The following SUPT3H variants were observed in gnomAD, a reference collection of about 807,000 sequenced individuals.
The protein encoded by SUPT3H is transcription initiation protein SPT3 homolog.
A neutral mutation model predicts 44.3 loss-of-function variants in SUPT3H; 44 were observed. That is an observed-to-expected ratio of 0.99 (90% CI 0.78 to 1.28). SUPT3H has a LOEUF of 1.28. Ranked by LOEUF, SUPT3H falls within the 50% of genes most tolerant of loss-of-function variation. The pLI, the probability that SUPT3H is intolerant of heterozygous loss-of-function variation, is 0.00. For synonymous variants in SUPT3H, 124 were observed against 125.6 expected (o/e 0.99, Z 0.09); for missense variants, 380 against 387.1 (o/e 0.98, Z 0.15).
chr6:45,111,714 A>G (rs976347548), intron 2 of SUPT3H, among the ~76,000 whole-genome samples: 27 of 152,284 alleles, frequency 1.8e-4, no homozygotes, highest in African/African-American at 6.0e-4. Flanking sequence ...ATGCTTTTCT[A>G]TTCTCTGATG....
intron 2 of SUPT3H, among the ~76,000 whole-genome samples, chr6:45,338,494 T>C (rs530742759): frequency 5.1e-4 from 78 of 152,200 alleles, no homozygotes; most frequent in Non-Finnish European, 6.5e-4. Context: ...TTAAGAAACT[T>C]TGACAGCTAC....
At chr6:45,251,121 A>G (rs1422622305) in intron 2 of SUPT3H, 1 of 152,054 alleles carries the variant, frequency 6.6e-6, no homozygotes, top group Non-Finnish European at 1.5e-5. Flanking sequence ...GGACTTCTCA[A>G]CAGCAACAAT....
At chr6:45,283,755 C>G (rs1232042314) in intron 2 of SUPT3H, among the ~76,000 whole-genome samples, 1 of 152,012 alleles carries the variant, frequency 6.6e-6, no homozygotes, top group Non-Finnish European at 1.5e-5. Context: ...ATCTACAGAA[C>G]TCTCCACCCC....
intron 10 of SUPT3H, chr6:44,898,845 C>T (rs1281248806): frequency 6.6e-6 from 1 of 152,262 alleles, no homozygotes; most frequent in Non-Finnish European, 1.5e-5. Flanking sequence ...ATGAGCTGCT[C>T]CATGACTACC....
chr6:44,900,390 C>T (rs1287573965), intron 10 of SUPT3H, among the ~76,000 whole-genome samples: 7 of 152,222 alleles, frequency 4.6e-5, no homozygotes, highest in Admixed American at 3.3e-4. Context: ...GCGCCTGGCT[C>T]GGAGGGTCCT....
At chr6:44,968,725 C>T (rs1197427616) in intron 6 of SUPT3H, among the ~76,000 whole-genome samples, 1 of 152,100 alleles carries the variant, frequency 6.6e-6, no homozygotes, top group Non-Finnish European at 1.5e-5. Flanking sequence ...AAAAGGCCCT[C>T]GTACATTGTA....
chr6:45,043,242 ATTTAAT>A (rs1299015054), intron 3 of SUPT3H, among the ~76,000 whole-genome samples: 1 of 152,092 alleles, frequency 6.6e-6, no homozygotes, highest in Non-Finnish European at 1.5e-5. Flanking sequence ...ATTAACACCT[ATTTAAT>A]TTTGTTTTGT....
intron 3 of SUPT3H, among the ~76,000 whole-genome samples, chr6:45,043,265 T>C (rs1788872253): frequency 6.6e-6 from 1 of 152,042 alleles, no homozygotes; most frequent in Admixed American, 6.6e-5. Flanking sequence ...TTGTTCTCCA[T>C]GAAAATGAGA....
intron 3 of SUPT3H, among the ~76,000 whole-genome samples, chr6:45,101,026 AT>A (rs774732030): frequency 6.6e-6 from 1 of 152,220 alleles, no homozygotes; most frequent in Non-Finnish European, 1.5e-5. Context: ...AAAGAAGGGA[AT>A]TCTGTCATTT....
intron 10 of SUPT3H, among the ~76,000 whole-genome samples, chr6:44,923,864 T>C (rs1022640339): frequency 6.6e-6 from 1 of 152,084 alleles, no homozygotes; most frequent in Non-Finnish European, 1.5e-5. Context: ...AATTTTATAA[T>C]AGAACTCCAG....
chr6:44,966,484 A>G (rs1041452116), intron 6 of SUPT3H, among the ~76,000 whole-genome samples: 1 of 151,678 alleles, frequency 6.6e-6, no homozygotes, highest in African/African-American at 2.4e-5. Flanking sequence ...AAGCAGTTTT[A>G]TTAGTTTCAT....
chr6:45,093,458 G>A (rs1797400463), intron 3 of SUPT3H, among the ~76,000 whole-genome samples: 2 of 152,100 alleles, frequency 1.3e-5, no homozygotes, highest in South Asian at 4.1e-4. Flanking sequence ...CAGCAATGGG[G>A]AAAGAAGATG....
At chr6:45,263,437 G>A (rs1170896796) in intron 2 of SUPT3H, among the ~76,000 whole-genome samples, 1 of 152,100 alleles carries the variant, frequency 6.6e-6, no homozygotes, top group African/African-American at 2.4e-5. Flanking sequence ...ACATTAGGCA[G>A]ACATGGATAT....
chr6:45,331,373 G>A (rs1365350856), intron 2 of SUPT3H, among the ~76,000 whole-genome samples: 1 of 151,932 alleles, frequency 6.6e-6, no homozygotes, highest in Non-Finnish European at 1.5e-5. Context: ...TGAACATGAT[G>A]TGTGAACACT....
chr6:45,247,896 A>G (rs1038845328), intron 2 of SUPT3H, among the ~76,000 whole-genome samples: 1 of 152,224 alleles, frequency 6.6e-6, no homozygotes, highest in Admixed American at 6.5e-5. Context: ...GGAACAGAAT[A>G]GAAGGTGCAG....
At chr6:44,953,568 G>T in intron 8 of SUPT3H, 151 bp from the exon 9 acceptor site, 1 of 623,858 alleles carries the variant, frequency 1.6e-6, no homozygotes, top group Non-Finnish European at 2.8e-6. Flanking sequence ...CACTTTCATT[G>T]ACTGGTGAAT....
chr6:45,373,597 G>A lies in SUPT3H; in HGVS notation c.-1+4171C>T, dbSNP rs186141395. On this transcript the variant is annotated intron_variant, in intron 1 of 10. Transcript: ENST00000371459. Reference sequence around the variant, plus strand: ...GACAGAGTATTGCTCTGTCGCCCAGGCTGGAGTGCAGTGCACGATCTCGGC... The same window carrying A: ...GACAGAGTATTGCTCTGTCGCCCAGACTGGAGTGCAGTGCACGATCTCGGC... Among the ~76,000 whole-genome samples, 77 of 152,184 alleles carry A rather than the reference G, an allele frequency of 5.1e-4. 1 individual carries two copies. The East Asian group carries it at 0.013, about 25-fold the overall frequency.
intron 3 of SUPT3H, among the ~76,000 whole-genome samples, chr6:45,105,338 GGTAC>G (rs1327249604): frequency 2.0e-5 from 3 of 152,036 alleles, no homozygotes; most frequent in Admixed American, 1.3e-4. Flanking sequence ...CTTTAAACAT[GGTAC>G]AGGCATACCT....
intron 3 of SUPT3H, among the ~76,000 whole-genome samples, chr6:45,092,699 G>A (rs1474955027): frequency 1.4e-5 from 2 of 146,992 alleles, no homozygotes; most frequent in East Asian, 4.1e-4. Flanking sequence ...CCAGTGAGCT[G>A]AGATTGTGCC....
Sources: gnomAD v4.1 joint callset for allele counts (sites outside exome capture counted in the v4.1 genomes callset) on GRCh38, gnomAD v4.1.1 for gene constraint, MANE v1.5 for transcripts, NCBI Gene and HGNC (gene_info 2026-07-23, HGNC 2026-07-21) for gene names.